Variants in CHSY1 observed in about 807,000 individuals in gnomAD.
CHSY1 encodes the protein chondroitin sulfate synthase 1, also known as N-acetylgalactosaminyl-proteoglycan 3-beta-glucuronosyltransferase 1.
In CHSY1, 13 loss-of-function variants were observed where a neutral mutation model predicts 59.8. The observed-to-expected ratio is 0.22, with a 90% CI of 0.14 to 0.35. The LOEUF (loss-of-function observed/expected upper bound fraction) is 0.35, where lower values mean the gene tolerates loss of function less well. Among genes scored for constraint, CHSY1 ranks in the 10% least tolerant of loss-of-function variants. The pLI is 1.00. For missense variants in CHSY1, 947 were observed against 1,030.6 expected, an observed-to-expected ratio of 0.92 and a Z score of 1.11; for synonymous variants, 459 against 401.2, an observed-to-expected ratio of 1.14 and a Z score of -1.72.
chr15:101,243,708 C>T (rs896426937), intron 1 of CHSY1, among the ~76,000 whole-genome samples: 5 of 152,220 alleles, frequency 3.3e-5, no homozygotes, highest in South Asian at 2.1e-4. Flanking sequence ...CATGGCTTGG[C>T]GACTTGAAAA....
chr15:101,239,015 C>A (rs2038975279), intron 1 of CHSY1, among the ~76,000 whole-genome samples: 1 of 152,204 alleles, frequency 6.6e-6, no homozygotes, highest in African/African-American at 2.4e-5. Context: ...CTTCTCAGAA[C>A]TCCTCCAGCC....
Position 101,178,501 on chromosome 15 carries a change from G to A in CHSY1, c.1296C>T (p.Ile432=), listed in dbSNP as rs373244097. ...TRGRIIDFKE[I]QYGYRRVNPM... is the part of the protein sequence containing the mutation. ...GGTTCACCCGGCGGTAGCCGTACTG[G>A]ATCTCTTTGAAGTCAATGATGCGCC... The change falls in exon 3 of 3, where the codon ATC becomes ATT. Residue 432 remains isoleucine (I), a synonymous_variant. Coordinates refer to ENST00000254190, the MANE Select transcript of CHSY1 (RefSeq NM_014918.5). The A allele has an allele frequency of 2.5e-6, 4 of 1,614,238 alleles. No individual in the cohort carries two copies. The highest frequency in any genetic ancestry group is 2.7e-5 in the African/African-American group (2 of 75,066).
At chr15:101,180,700 G>T (rs893366448) in intron 2 of CHSY1, among the ~76,000 whole-genome samples, 6 of 152,204 alleles carry the variant, frequency 3.9e-5, no homozygotes, top group African/African-American at 1.4e-4. Context: ...GGCAGTAGGC[G>T]ACTGGCACCG....
At chr15:101,207,081 AG>A (rs1301870222) in intron 2 of CHSY1, among the ~76,000 whole-genome samples, 6 of 152,262 alleles carry the variant, frequency 3.9e-5, no homozygotes, top group African/African-American at 1.4e-4. Context: ...AAAACCTAAA[AG>A]GGGAAAAATC....
intron 1 of CHSY1, among the ~76,000 whole-genome samples, chr15:101,244,682 T>G (rs1159330427): frequency 6.6e-6 from 1 of 152,246 alleles, no homozygotes; most frequent in South Asian, 2.1e-4. Context: ...TTGTTTTACT[T>G]TAAACACAGA....
At chr15:101,211,861 G>A (rs762502420) in intron 2 of CHSY1, among the ~76,000 whole-genome samples, 5 of 143,442 alleles carry the variant, frequency 3.5e-5, no homozygotes, top group Admixed American at 7.1e-5. Flanking sequence ...ATAGTAAGAC[G>A]AACAAACAAA....
intron 2 of CHSY1, among the ~76,000 whole-genome samples, chr15:101,205,907 G>C (rs569730396): frequency 2.0e-5 from 3 of 151,910 alleles, no homozygotes; most frequent in South Asian, 2.1e-4. Flanking sequence ...AGCCGAGATA[G>C]CGCCACTACA....
intron 2 of CHSY1, among the ~76,000 whole-genome samples, chr15:101,233,709 G>A (rs899546868): frequency 2.0e-5 from 3 of 152,114 alleles, no homozygotes; most frequent in Non-Finnish European, 2.9e-5. Flanking sequence ...GATTTAAAAT[G>A]TATCTTTGTG....
intron 2 of CHSY1, among the ~76,000 whole-genome samples, chr15:101,184,892 C>T (rs1276368164): frequency 6.6e-6 from 1 of 152,210 alleles, no homozygotes; most frequent in Non-Finnish European, 1.5e-5. Flanking sequence ...TCCTACCTGA[C>T]AGACTGGGTG....
At chr15:101,196,967 C>T (rs899553106) in intron 2 of CHSY1, among the ~76,000 whole-genome samples, 3 of 152,214 alleles carry the variant, frequency 2.0e-5, no homozygotes. Flanking sequence ...CAAAAAGGGG[C>T]AAAGCATGTT....
At chr15:101,196,047 G>C (rs575974940) in intron 2 of CHSY1, among the ~76,000 whole-genome samples, 3 of 151,938 alleles carry the variant, frequency 2.0e-5, no homozygotes, top group Non-Finnish European at 2.9e-5. Flanking sequence ...TCAGGAGTTC[G>C]AGATCAGCTT....
chr15:101,245,788 C>G (rs2039044560), intron 1 of CHSY1, among the ~76,000 whole-genome samples: 2 of 152,206 alleles, frequency 1.3e-5, no homozygotes, highest in Admixed American at 1.3e-4. Flanking sequence ...GTTCCCTAGT[C>G]TCCTACAGGA....
chr15:101,178,739 T>C lies in CHSY1; in HGVS notation c.1058A>G (p.Asp353Gly), dbSNP rs760264432. The part of the protein sequence containing the change: ...KYSNTEIHKE[D>G]LQLGIPPSFM... The stretch of plus-strand genomic sequence containing the variant: ...GGAGGGAGGGATTCCCAGCTGGAGG[T>C]CCTCTTTATGAATTTCTGTGTTGCT... The change falls in exon 3 of 3, where the codon GAC (aspartate) becomes GGC (glycine). Residue 353 changes from aspartate (D) to glycine (G), a missense_variant. By Grantham distance (94) the Asp-to-Gly change is moderately conservative (BLOSUM62 -1). Transcript: ENST00000254190. The C allele has an allele frequency of 6.2e-7, 1 of 1,614,098 alleles. No homozygotes were observed. The highest frequency in any genetic ancestry group is 1.1e-5 in the South Asian group (1 of 91,068).
rs575787158 is a variant in CHSY1, at chr15:101,247,348, T to G, written c.320+3789A>C. On this transcript the variant is annotated intron_variant, in intron 1 of 2. Transcript: ENST00000254190. ...GATCAAATCTCAGCCCAAATGGCAC[T>G]CTCTCCAAACTCTTCCCTAATCACC... 2.0e-5 allele frequency among the ~76,000 whole-genome samples: 3 copies of G among 152,268 alleles called. No homozygotes were observed. The South Asian group carries it at 6.2e-4, about 32-fold the overall frequency.
chr15:101,246,368 TTTA>T (rs964731889), intron 1 of CHSY1, among the ~76,000 whole-genome samples: 21 of 80,830 alleles, frequency 2.6e-4, no homozygotes, highest in South Asian at 5.8e-4. Flanking sequence ...TTTTTTTTTT[TTTA>T]ATCAAAACGT....
intron 2 of CHSY1, among the ~76,000 whole-genome samples, chr15:101,234,253 T>TA (rs2038918069): frequency 6.6e-6 from 1 of 152,218 alleles, no homozygotes; most frequent in African/African-American, 2.4e-5. Flanking sequence ...CAGATTAAAG[T>TA]AACTATCTGA....
chr15:101,242,664 C>G (rs565897454), intron 1 of CHSY1: 14 of 152,452 alleles, frequency 9.2e-5, no homozygotes, highest in African/African-American at 3.1e-4. Flanking sequence ...AGGGGTCTTT[C>G]AAGGCCACCA....
At chr15:101,233,733 A>G (rs1167543882) in intron 2 of CHSY1, among the ~76,000 whole-genome samples, 1 of 152,180 alleles carries the variant, frequency 6.6e-6, no homozygotes, top group Non-Finnish European at 1.5e-5. Context: ...TTGTAATTAA[A>G]AATTACATGG....
chr15:101,198,020 C>T (rs748045627), intron 2 of CHSY1, among the ~76,000 whole-genome samples: 63 of 152,142 alleles, frequency 4.1e-4, no homozygotes, highest in Non-Finnish European at 8.4e-4. Context: ...ACCTCATCGC[C>T]AATGTATCTG....
Sources: allele counts gnomAD v4.1 joint callset (sites outside exome capture counted in the v4.1 genomes callset), GRCh38; gene constraint gnomAD v4.1.1; transcripts MANE v1.5; gene names NCBI Gene and HGNC (gene_info 2026-07-23, HGNC 2026-07-21).